Variants in ACTN1 observed in about 807,000 individuals in gnomAD.
ACTN1 encodes the protein alpha-actinin-1.
Under a neutral mutation model 119.6 loss-of-function variants are expected in ACTN1, and 30 were observed. The observed-to-expected ratio is 0.25, with a 90% CI of 0.19 to 0.34. ACTN1 has a LOEUF of 0.34. Among genes scored for constraint, ACTN1 ranks in the 10% least tolerant of loss-of-function variants. ACTN1 has a pLI of 1.00. For missense variants in ACTN1, 764 were observed against 1,223.4 expected (o/e 0.62, Z 5.60); for synonymous variants, 429 against 472.6 (o/e 0.91, Z 1.20).
intron 2 of ACTN1, among the ~76,000 whole-genome samples, chr14:68,923,390 AG>A (rs778282358): frequency 2.2e-4 from 33 of 152,292 alleles, no homozygotes; most frequent in Non-Finnish European, 2.4e-4. Context: ...TAGGGGAGAG[AG>A]GAAGGGTGAA....
At chr14:68,969,381 A>G (rs932106217) in intron 1 of ACTN1, among the ~76,000 whole-genome samples, 1 of 152,180 alleles carries the variant, frequency 6.6e-6, no homozygotes, top group South Asian at 2.1e-4. Context: ...ACAATTCATA[A>G]GCCACCTCCT....
chr14:68,949,691 G>C lies in ACTN1; in HGVS notation c.106-24019C>G, dbSNP rs77539346. Among the ~76,000 whole-genome samples the C allele has an allele frequency of 1.1e-4, 16 of 152,272 alleles. No homozygotes were observed. The South Asian group carries it at 1.9e-3, about 18-fold the overall frequency. On this transcript the variant is annotated intron_variant, in intron 1 of 21. Transcript: ENST00000394419. Reference sequence around the variant, plus strand: ...CAGCACTGTTCACAACGGCCAAAAGGGGGGAACAACCCAAATGTCCATCAA... The same window carrying C: ...CAGCACTGTTCACAACGGCCAAAAGCGGGGAACAACCCAAATGTCCATCAA...
At chr14:68,932,514 T>A (rs1406687184) in intron 1 of ACTN1, among the ~76,000 whole-genome samples, 2 of 85,650 alleles carry the variant, frequency 2.3e-5, no homozygotes, top group Non-Finnish European at 4.1e-5. Flanking sequence ...TACACCCAGC[T>A]TTTTTTTTTT....
chr14:68,956,677 G>T (rs1440786696), intron 1 of ACTN1, among the ~76,000 whole-genome samples: 1 of 152,172 alleles, frequency 6.6e-6, no homozygotes. Flanking sequence ...TGCAGCGAAT[G>T]ATCACTGAAT....
At chr14:68,970,934 T>C (rs550689771) in intron 1 of ACTN1, among the ~76,000 whole-genome samples, 6 of 152,322 alleles carry the variant, frequency 3.9e-5, no homozygotes, top group African/African-American at 1.2e-4. Flanking sequence ...TTTCCCTGCA[T>C]GTAAAATGGG....
intron 11 of ACTN1, chr14:68,887,800 TTC>T (rs1036346513): frequency 1.1e-6 from 1 of 943,388 alleles, no homozygotes; most frequent in Admixed American, 1.7e-5. Context: ...CAGACTCGGC[TTC>T]TTTCTCTCCT....
intron 1 of ACTN1, among the ~76,000 whole-genome samples, chr14:68,937,465 T>A (rs749939132): frequency 6.6e-6 from 1 of 151,978 alleles, no homozygotes; most frequent in African/African-American, 2.4e-5. Context: ...TAAAATAAGA[T>A]ATAATATAGG....
intron 1 of ACTN1, among the ~76,000 whole-genome samples, chr14:68,966,644 G>A (rs1010953537): frequency 1.3e-5 from 2 of 152,158 alleles, no homozygotes; most frequent in Non-Finnish European, 2.9e-5. Flanking sequence ...AAAGGGAGCA[G>A]GAGGCAGGTG....
At chr14:68,944,812 T>G (rs1314114383) in intron 1 of ACTN1, among the ~76,000 whole-genome samples, 2 of 151,980 alleles carry the variant, frequency 1.3e-5, no homozygotes, top group African/African-American at 4.8e-5. Flanking sequence ...CTACTAATAA[T>G]TACACCAGCA....
intron 2 of ACTN1, among the ~76,000 whole-genome samples, chr14:68,922,152 T>C (rs2034683637): frequency 6.6e-6 from 1 of 152,168 alleles, no homozygotes; most frequent in Non-Finnish European, 1.5e-5. Context: ...TCAGGCCCCT[T>C]GTGCCTGCCC....
At chr14:68,958,071 G>C (rs182406890) in intron 1 of ACTN1, among the ~76,000 whole-genome samples, 15 of 152,274 alleles carry the variant, frequency 9.9e-5, no homozygotes, top group African/African-American at 3.6e-4. Flanking sequence ...CCGACCTCTT[G>C]GGTTTCACGC....
intron 21 of ACTN1, 117 bp from the exon 22 acceptor site, chr14:68,875,134 C>T (rs2030749286): frequency 6.5e-7 from 1 of 1,545,708 alleles, no homozygotes; most frequent in African/African-American, 1.4e-5. Flanking sequence ...TGCATTTTGC[C>T]TCCCTCCTGT....
chr14:68,950,871 C>T, intron 1 of ACTN1, among the ~76,000 whole-genome samples: 1 of 152,112 alleles, frequency 6.6e-6, no homozygotes, highest in Non-Finnish European at 1.5e-5. Context: ...CTAAGCATGT[C>T]AAACTTTTAT....
Position 68,882,621 on chromosome 14 carries a change from A to C in ACTN1, c.1819-29T>G. The C allele has an allele frequency of 6.2e-7, 1 of 1,613,202 alleles. No homozygotes were observed. Among genetic ancestry groups the C allele is most frequent in the Non-Finnish European group, 8.5e-7 (1 of 1,179,384 alleles). On this transcript the variant is annotated intron_variant, in intron 15 of 21. Transcript: ENST00000394419. This position sits in a 1 kb window ranked among gnomAD's most constrained non-coding sequence, Gnocchi z 4.5. The stretch of plus-strand genomic sequence containing the variant: ...GGGCAGGAACAACAAGGCGACTTTC[A>C]GGATGGGTCAGCCATCTGTCCATGT...
chr14:68,961,148 G>A (rs1017205959), intron 1 of ACTN1, among the ~76,000 whole-genome samples: 9 of 152,140 alleles, frequency 5.9e-5, no homozygotes, highest in African/African-American at 2.2e-4. Flanking sequence ...GAAAGAGGCA[G>A]GAAAGTACAA....
intron 1 of ACTN1, among the ~76,000 whole-genome samples, chr14:68,961,571 G>A (rs2036543208): frequency 6.6e-6 from 1 of 152,176 alleles, no homozygotes; most frequent in African/African-American, 2.4e-5. Context: ...GGGGCACGGG[G>A]GTGGGCTATA....
chr14:68,911,862 G>A (rs2034030308), intron 4 of ACTN1, among the ~76,000 whole-genome samples: 1 of 152,198 alleles, frequency 6.6e-6, no homozygotes, highest in Non-Finnish European at 1.5e-5. Context: ...CACCCTTTCA[G>A]ATTAACAACC....
At chr14:68,959,281 G>T (rs972462521) in intron 1 of ACTN1, among the ~76,000 whole-genome samples, 16 of 152,198 alleles carry the variant, frequency 1.1e-4, no homozygotes, top group Admixed American at 3.9e-4. Context: ...CCACAGAAAT[G>T]CCTTCCTACA....
intron 1 of ACTN1, among the ~76,000 whole-genome samples, chr14:68,949,201 G>T (rs146370567): frequency 7.7e-4 from 118 of 152,328 alleles, no homozygotes; most frequent in Non-Finnish European, 1.6e-3. Flanking sequence ...AGGCAGGGGT[G>T]GGGGAGGTCA....
Sources: gnomAD v4.1 joint callset for allele counts (sites outside exome capture counted in the v4.1 genomes callset) on GRCh38, gnomAD v4.1.1 for gene constraint, Gnocchi (gnomAD v3.1) non-coding constraint, MANE v1.5 for transcripts, NCBI Gene and HGNC (gene_info 2026-07-23, HGNC 2026-07-21) for gene names.